SERPINI2: variants seen among roughly 807,000 people sequenced by gnomAD.
SERPINI2 encodes serpin I2.
SERPINI2 carries 48 observed loss-of-function variants against 47.3 expected under a neutral mutation model. The ratio of observed to expected loss-of-function variants is 1.02; its 90% CI spans 0.81 to 1.29. SERPINI2 has a LOEUF of 1.29. SERPINI2 is among the 50% of genes most tolerant of loss of function. SERPINI2 has a pLI of 0.00. For missense variants in SERPINI2, 448 were observed against 456.9 expected, an observed-to-expected ratio of 0.98 and a Z score of 0.18; for synonymous variants, 135 against 149.3, an observed-to-expected ratio of 0.90 and a Z score of 0.70.
intron 5 of SERPINI2, among the ~76,000 whole-genome samples, chr3:167,458,530 G>A (rs953750582): frequency 8.0e-5 from 12 of 150,668 alleles, no homozygotes; most frequent in Non-Finnish European, 2.9e-5. Flanking sequence ...CTAAAGTGCC[G>A]GGTCTACAGG....
At chr3:167,449,182 C>T in intron 7 of SERPINI2, 134 bp downstream of exon 7, 1 of 664,856 alleles carries the variant, frequency 1.5e-6, no homozygotes, top group Admixed American at 2.9e-5. Flanking sequence ...CAACCATTTC[C>T]TTTTTTTCCT....
At chr3:167,470,858 T>C (rs1750295417) in intron 2 of SERPINI2, among the ~76,000 whole-genome samples, 1 of 151,998 alleles carries the variant, frequency 6.6e-6, no homozygotes, top group Non-Finnish European at 1.5e-5. Context: ...TCAAATGGGA[T>C]GCCAGCACAA....
chr3:167,466,947 T>C, intron 3 of SERPINI2, 108 bp downstream of exon 3: 2 of 639,326 alleles, frequency 3.1e-6, no homozygotes, highest in Non-Finnish European at 5.2e-6. Context: ...ATTTGATTCC[T>C]CTGATCCATA....
rs762818857 is a variant in SERPINI2 at position 167,446,382 on chromosome 3, A to T, written c.1141+10T>A. The T allele has an allele frequency of 1.3e-6, 2 of 1,577,722 alleles. No individual in the cohort carries two copies. Among genetic ancestry groups the T allele is most frequent in the South Asian group, 2.3e-5 (2 of 87,502 alleles). ...AATCAGTTCCCCCAAATAATTCTCA[A>T]AAAAGGTACCTGTTGGATTATGCTT... On this transcript the variant is annotated intron_variant, in intron 8 of 8. Transcript: ENST00000264677.
chr3:167,447,025 A>C (rs1749498927), intron 7 of SERPINI2: 1 of 152,170 alleles, frequency 6.6e-6, no homozygotes, highest in Non-Finnish European at 1.5e-5. Context: ...TTGCTGCCTT[A>C]AAAATTACTT....
chr3:167,468,622 C>A (rs961084762), intron 2 of SERPINI2, among the ~76,000 whole-genome samples: 5 of 152,142 alleles, frequency 3.3e-5, no homozygotes. Flanking sequence ...ATAAAAAAAA[C>A]TTACTTCCAT....
Position 167,465,473 on chromosome 3 carries a change from C to G in SERPINI2, c.673+6G>C. 1 of 1,611,906 alleles carries G rather than the reference C, an allele frequency of 6.2e-7. No individual in the cohort carries two copies. Among genetic ancestry groups the G allele is most frequent in the Non-Finnish European group, 8.5e-7 (1 of 1,179,500 alleles). ...TATGCTTAGGAACTGTGGTTTCTCA[C>G]ATTACCATATTTTGTTCTCAGAAGA... On this transcript the variant is annotated splice_donor_region_variant and intron_variant, in intron 4 of 8. Transcript: ENST00000264677.
rs114549704 is a variant in SERPINI2 at position 167,453,961 on chromosome 3, T to G, written c.867-928A>C. Among the ~76,000 whole-genome samples, 1,438 of 152,320 alleles carry G rather than the reference T, an allele frequency of 9.4e-3. 20 individuals carry two copies. Among genetic ancestry groups the G allele is most frequent in the African/African-American group, 0.032 (1,310 of 41,572 alleles). ...CATTTTAAATACAGATCAGAAACTT[T>G]GTTTATGAAAGAAAAGACACATGTA... is the stretch of plus-strand genomic sequence containing the variant. On this transcript the variant is annotated intron_variant, in intron 5 of 8. Transcript: ENST00000264677.
chr3:167,456,455 G>A (rs940134945), intron 5 of SERPINI2, among the ~76,000 whole-genome samples: 1 of 152,100 alleles, frequency 6.6e-6, no homozygotes, highest in Non-Finnish European at 1.5e-5. Context: ...GCCAAGCCTA[G>A]AATTAATTTC....
chr3:167,463,663 C>G (rs1750049218), intron 5 of SERPINI2, among the ~76,000 whole-genome samples: 1 of 151,916 alleles, frequency 6.6e-6, no homozygotes, highest in East Asian at 1.9e-4. Flanking sequence ...CTTCTTTCTC[C>G]ACAATATCAA....
At chr3:167,476,595 T>C (rs1234368010), upstream of SERPINI2, among the ~76,000 whole-genome samples, 1 of 152,016 alleles carries the variant, frequency 6.6e-6, no homozygotes, top group Admixed American at 6.6e-5. Context: ...AAAGTTATCT[T>C]CAAGGGTAAA....
exon 4 of SERPINI2, chr3:167,465,614 C>A: frequency 1.2e-6 from 2 of 1,613,244 alleles, no homozygotes; most frequent in Non-Finnish European, 1.7e-6. Flanking sequence ...ATAGCATTCA[C>A]CAGGACAAGC....
intron 2 of SERPINI2, 107 bp from the exon 3 acceptor site, chr3:167,467,392 C>G: frequency 1.4e-6 from 1 of 696,232 alleles, no homozygotes. Context: ...TTTTTGCACC[C>G]TTAGGTATAA....
At chr3:167,456,316 T>C (rs530594089) in intron 5 of SERPINI2, among the ~76,000 whole-genome samples, 7 of 152,198 alleles carry the variant, frequency 4.6e-5, no homozygotes, top group Non-Finnish European at 7.3e-5. Context: ...TAGGTCAAAG[T>C]AAACGAACAT....
chr3:167,465,447 C>T, intron 4 of SERPINI2, 32 bp downstream of exon 4: 1 of 1,608,456 alleles, frequency 6.2e-7, no homozygotes, highest in Non-Finnish European at 8.5e-7. Flanking sequence ...ATTCTCAAGA[C>T]TATGCTTAGG....
chr3:167,442,239 T>C (rs1749348994), intron 8 of SERPINI2, 54 bp from the exon 9 acceptor site: 1 of 1,276,498 alleles, frequency 7.8e-7, no homozygotes, highest in Non-Finnish European at 1.1e-6. Context: ...AGAAAACAAC[T>C]GACAATAATT....
chr3:167,455,810 A>G (rs1475342184), intron 5 of SERPINI2, among the ~76,000 whole-genome samples: 2 of 152,102 alleles, frequency 1.3e-5, no homozygotes, highest in Non-Finnish European at 2.9e-5. Context: ...CTGGAATAGG[A>G]GGAAGAGAAA....
At chr3:167,442,400 C>A (rs915453821) in intron 8 of SERPINI2, among the ~76,000 whole-genome samples, 2 of 151,832 alleles carry the variant, frequency 1.3e-5, no homozygotes, top group African/African-American at 4.8e-5. Context: ...AAATTAACAC[C>A]CACTACAGCT....
chr3:167,450,382 A>G (rs138155152), intron 6 of SERPINI2, among the ~76,000 whole-genome samples: 1 of 152,254 alleles, frequency 6.6e-6, no homozygotes, highest in East Asian at 1.9e-4. Flanking sequence ...GTGAATTGCA[A>G]GTATAGTCTC....
Sources: gnomAD v4.1 joint callset for allele counts (sites outside exome capture counted in the v4.1 genomes callset) on GRCh38, gnomAD v4.1.1 for gene constraint, MANE v1.5 for transcripts, NCBI Gene and HGNC (gene_info 2026-07-23, HGNC 2026-07-21) for gene names.